The following CDK19 variants were observed in gnomAD, a reference collection of about 807,000 sequenced individuals.
CDK19 encodes cyclin dependent kinase 19.
A neutral mutation model predicts 68.3 loss-of-function variants in CDK19; 20 were observed. That is an observed-to-expected ratio of 0.29 (90% CI 0.21 to 0.43). The LOEUF (loss-of-function observed/expected upper bound fraction) is 0.43. Ranked by LOEUF, CDK19 falls within the 20% of genes least tolerant of loss-of-function variation. The pLI, the probability that CDK19 is intolerant of heterozygous loss-of-function variation, is 1.00. For synonymous variants in CDK19, 221 were observed against 222.8 expected, an observed-to-expected ratio of 0.99 and a Z score of 0.07; for missense variants, 339 against 623.5, an observed-to-expected ratio of 0.54 and a Z score of 4.86.
intron 1 of CDK19, among the ~76,000 whole-genome samples, chr6:110,795,373 G>A (rs2115087071): frequency 6.6e-6 from 1 of 152,272 alleles, no homozygotes; most frequent in African/African-American, 2.4e-5. Flanking sequence ...ATGAACTACA[G>A]GTCCTAGGAG....
chr6:110,626,483 T>C (rs906650851), intron 8 of CDK19, among the ~76,000 whole-genome samples: 30 of 152,200 alleles, frequency 2.0e-4, no homozygotes, highest in African/African-American at 7.2e-4. Flanking sequence ...CCTTCCAGAA[T>C]TGAGGGCTTT....
At chr6:110,791,163 T>A (rs1467706684) in intron 1 of CDK19, among the ~76,000 whole-genome samples, 3 of 146,836 alleles carry the variant, frequency 2.0e-5, no homozygotes, top group African/African-American at 7.5e-5. Context: ...AGAGTGAGAC[T>A]CCGTCTCAAA....
chr6:110,789,924 T>C (rs12198236), intron 1 of CDK19, among the ~76,000 whole-genome samples: 68,542 of 152,072 alleles, frequency 0.45, 17,474 homozygotes, highest in Admixed American at 0.63. Flanking sequence ...AAAGTTCAGG[T>C]ACAAGTGGAC....
At chr6:110,703,598 A>G (rs1257057279) in intron 2 of CDK19, among the ~76,000 whole-genome samples, 1 of 152,168 alleles carries the variant, frequency 6.6e-6, no homozygotes, top group Admixed American at 6.5e-5. Context: ...CCAGCACTTT[A>G]CCAGGCCAAA....
chr6:110,734,903 A>C (rs1777122673), intron 2 of CDK19, among the ~76,000 whole-genome samples: 1 of 152,198 alleles, frequency 6.6e-6, no homozygotes, highest in Admixed American at 6.5e-5. Flanking sequence ...TGCAAAATTA[A>C]ATTACTTGAA....
At chr6:110,789,766 T>C (rs113373868) in intron 1 of CDK19, among the ~76,000 whole-genome samples, 3 of 152,324 alleles carry the variant, frequency 2.0e-5, no homozygotes, top group African/African-American at 4.8e-5. Context: ...AATGATAAAA[T>C]AGACTAGTAT....
chr6:110,787,690 C>T (rs59137122), intron 1 of CDK19, among the ~76,000 whole-genome samples: 1 of 152,316 alleles, frequency 6.6e-6, no homozygotes, highest in African/African-American at 2.4e-5. Context: ...GATCCTCCTG[C>T]CTTGGCCTGC....
At chr6:110,691,123 A>T (rs1400544115) in intron 2 of CDK19, among the ~76,000 whole-genome samples, 3 of 152,206 alleles carry the variant, frequency 2.0e-5, no homozygotes, top group African/African-American at 7.2e-5. Context: ...ACATGAAGAA[A>T]TTTTTTAAAA....
At chr6:110,631,239 T>G (rs535165138) in intron 6 of CDK19, among the ~76,000 whole-genome samples, 5 of 152,368 alleles carry the variant, frequency 3.3e-5, no homozygotes, top group Admixed American at 3.3e-4. Flanking sequence ...GAAATTTGGA[T>G]ACCTTGTAGA....
chr6:110,694,348 A>G (rs1773297803), intron 2 of CDK19, among the ~76,000 whole-genome samples: 1 of 152,182 alleles, frequency 6.6e-6, no homozygotes, highest in South Asian at 2.1e-4. Context: ...ACTAGAAGCC[A>G]GCAGGAATAG....
chr6:110,754,532 T>G (rs941533003), intron 1 of CDK19, among the ~76,000 whole-genome samples: 2 of 151,260 alleles, frequency 1.3e-5, no homozygotes, highest in Non-Finnish European at 2.9e-5. Context: ...CAGGCTGGAG[T>G]GCAGTGGCTC....
chr6:110,631,274 GTACTCTCCCC>G (rs1464453585), intron 6 of CDK19, among the ~76,000 whole-genome samples: 1 of 152,094 alleles, frequency 6.6e-6, no homozygotes, highest in African/African-American at 2.4e-5. Flanking sequence ...CAGCTACAAT[GTACTCTCCCC>G]TACTCTCTCC....
At chr6:110,717,575 G>A (rs143735373) in intron 2 of CDK19, among the ~76,000 whole-genome samples, 162 of 152,148 alleles carry the variant, frequency 1.1e-3, no homozygotes, top group African/African-American at 3.4e-3. Context: ...CATTTTAAAC[G>A]GTACATGTGA....
chr6:110,741,597 A>G (rs1013571553), intron 2 of CDK19, among the ~76,000 whole-genome samples: 1 of 152,134 alleles, frequency 6.6e-6, no homozygotes, highest in Non-Finnish European at 1.5e-5. Context: ...AAGCCGCACC[A>G]AGACACATCA....
At chr6:110,771,407 G>A (rs1399531721) in intron 1 of CDK19, among the ~76,000 whole-genome samples, 1 of 152,146 alleles carries the variant, frequency 6.6e-6, no homozygotes, top group Non-Finnish European at 1.5e-5. Context: ...ACTGCACTTT[G>A]GCCACTTTTA....
rs115109287 is a variant in CDK19 at position 110,766,701 on chromosome 6, G to A, written c.129-20500C>T. ...ACCACATTTTCACTTATGTGTAGGA[G>A]TACAAAAAGTTGATCCTACCTAGTG... On this transcript the variant is annotated intron_variant, in intron 1 of 12. Transcript: ENST00000368911. 5.0e-3 allele frequency among the ~76,000 whole-genome samples: 758 copies of A among 152,190 alleles called. 7 individuals carry two copies. Among genetic ancestry groups the A allele is most frequent in the African/African-American group, 0.017 (714 of 41,526 alleles).
At chr6:110,755,484 C>G (rs1431129075) in intron 1 of CDK19, among the ~76,000 whole-genome samples, 1 of 152,136 alleles carries the variant, frequency 6.6e-6, no homozygotes, top group Non-Finnish European at 1.5e-5. Flanking sequence ...GGACTGCTAT[C>G]AGGTAAACAA....
chr6:110,735,754 T>C (rs1368625707), intron 2 of CDK19, among the ~76,000 whole-genome samples: 4 of 152,230 alleles, frequency 2.6e-5, no homozygotes, highest in Admixed American at 1.3e-4. Context: ...CAAGAGTTTA[T>C]ATATAGTATA....
chr6:110,784,394 A>T (rs545477132), intron 1 of CDK19, among the ~76,000 whole-genome samples: 2 of 152,310 alleles, frequency 1.3e-5, no homozygotes, highest in South Asian at 4.1e-4. Flanking sequence ...GCTCAACATC[A>T]TAAGTTATTA....
Sources: allele counts gnomAD v4.1 joint callset (sites outside exome capture counted in the v4.1 genomes callset), GRCh38; gene constraint gnomAD v4.1.1; transcripts MANE v1.5; gene names NCBI Gene and HGNC (gene_info 2026-07-23, HGNC 2026-07-21).